The following MARCHF1 variants were observed in gnomAD, a reference collection of about 807,000 sequenced individuals.
The protein encoded by MARCHF1 is membrane associated ring-CH-type finger 1, also known as E3 ubiquitin-protein ligase MARCHF1.
Under a neutral mutation model 54.2 loss-of-function variants are expected in MARCHF1, and 40 were observed. The ratio of observed to expected loss-of-function variants is 0.74; its 90% CI spans 0.57 to 0.96. The LOEUF is 0.96. Among genes scored for constraint, MARCHF1 ranks in the 40% least tolerant of loss-of-function variants. The pLI, the probability that MARCHF1 is intolerant of heterozygous loss-of-function variation, is 0.00. For missense variants in MARCHF1, 586 were observed against 656.5 expected (o/e 0.89, Z 1.17); for synonymous variants, 236 against 236.3 (o/e 1.00, Z 0.01).
chr4:163,918,963 G>A (rs1751368278), intron 3 of MARCHF1, among the ~76,000 whole-genome samples: 1 of 151,928 alleles, frequency 6.6e-6, no homozygotes, highest in Non-Finnish European at 1.5e-5. Flanking sequence ...GAAACTAAGA[G>A]AAATGTAAAT....
At chr4:163,588,775 G>C (rs1389759546) in intron 7 of MARCHF1, among the ~76,000 whole-genome samples, 1 of 152,090 alleles carries the variant, frequency 6.6e-6, no homozygotes, top group Non-Finnish European at 1.5e-5. Context: ...TCTGGCTGCA[G>C]AAACTAAAAC....
At chr4:164,244,370 C>T (rs1462680080) in intron 1 of MARCHF1, among the ~76,000 whole-genome samples, 11 of 151,870 alleles carry the variant, frequency 7.2e-5, no homozygotes, top group Non-Finnish European at 1.3e-4. Flanking sequence ...GGGTACATAA[C>T]GAAATGAAGG....
At chr4:163,808,171 C>G (rs1243909578) in intron 4 of MARCHF1, among the ~76,000 whole-genome samples, 1 of 152,160 alleles carries the variant, frequency 6.6e-6, no homozygotes, top group African/African-American at 2.4e-5. Flanking sequence ...GCAACAAAAC[C>G]CCCAGCTAAC....
chr4:164,008,144 ATT>A (rs1753337331), intron 2 of MARCHF1, among the ~76,000 whole-genome samples: 1 of 152,206 alleles, frequency 6.6e-6, no homozygotes, highest in Non-Finnish European at 1.5e-5. Context: ...AATAAAAGAT[ATT>A]CCATAAAACT....
At chr4:163,749,923 G>T (rs906058208) in intron 4 of MARCHF1, among the ~76,000 whole-genome samples, 1 of 151,916 alleles carries the variant, frequency 6.6e-6, no homozygotes, top group African/African-American at 2.4e-5. Context: ...AAAAAAATTA[G>T]CCGGGCATGG....
chr4:163,880,605 T>C (rs940564533), intron 3 of MARCHF1, among the ~76,000 whole-genome samples: 1 of 151,664 alleles, frequency 6.6e-6, no homozygotes. Context: ...AGAAAGAAAA[T>C]AGCTTTTATG....
intron 1 of MARCHF1, among the ~76,000 whole-genome samples, chr4:164,153,748 T>C (rs1259134263): frequency 3.3e-5 from 5 of 152,162 alleles, no homozygotes; most frequent in Non-Finnish European, 4.4e-5. Flanking sequence ...TCTTGTGCAT[T>C]TAAAATATAA....
chr4:164,239,621 A>T (rs543144039), intron 1 of MARCHF1, among the ~76,000 whole-genome samples: 1 of 152,092 alleles, frequency 6.6e-6, no homozygotes, highest in African/African-American at 2.4e-5. Flanking sequence ...CTTTGAGCAT[A>T]AGTGTTTTGA....
intron 1 of MARCHF1, among the ~76,000 whole-genome samples, chr4:164,187,156 G>C (rs992430580): frequency 3.9e-5 from 6 of 152,000 alleles, no homozygotes; most frequent in Non-Finnish European, 7.4e-5. Context: ...TGGTATTTCT[G>C]CTCATCCTCT....
chr4:164,123,121 T>C (rs1329696530), intron 1 of MARCHF1, among the ~76,000 whole-genome samples: 1 of 152,058 alleles, frequency 6.6e-6, no homozygotes, highest in Non-Finnish European at 1.5e-5. Context: ...AGTTGTAGGA[T>C]ACAAAATGAA....
At chr4:164,113,852 A>C (rs1432406599) in intron 1 of MARCHF1, among the ~76,000 whole-genome samples, 1 of 152,036 alleles carries the variant, frequency 6.6e-6, no homozygotes, top group African/African-American at 2.4e-5. Flanking sequence ...TGGTTATTCA[A>C]ATTGAGCACA....
At chr4:163,842,574 C>A (rs1749370421) in intron 4 of MARCHF1, among the ~76,000 whole-genome samples, 1 of 152,038 alleles carries the variant, frequency 6.6e-6, no homozygotes, top group Non-Finnish European at 1.5e-5. Flanking sequence ...TGACAAATTA[C>A]TTGCCGTTTT....
chr4:163,757,565 A>AT (rs928978696), intron 4 of MARCHF1, among the ~76,000 whole-genome samples: 38 of 152,134 alleles, frequency 2.5e-4, no homozygotes, highest in African/African-American at 8.9e-4. Context: ...AAGATAAGTA[A>AT]TTTTTTTGTT....
chr4:163,730,046 C>A (rs1010033884), intron 4 of MARCHF1, among the ~76,000 whole-genome samples: 1 of 151,894 alleles, frequency 6.6e-6, no homozygotes, highest in African/African-American at 2.4e-5. Context: ...TTGATGGTGT[C>A]CCAGTTATCC....
At chr4:164,289,252 C>A (rs141646201) in intron 1 of MARCHF1, among the ~76,000 whole-genome samples, 1 of 152,040 alleles carries the variant, frequency 6.6e-6, no homozygotes, top group Non-Finnish European at 1.5e-5. Context: ...ACTCTTGATG[C>A]TGTGTGATAT....
chr4:163,600,575 T>C (rs1740931420), intron 7 of MARCHF1, among the ~76,000 whole-genome samples: 1 of 152,212 alleles, frequency 6.6e-6, no homozygotes, highest in African/African-American at 2.4e-5. Context: ...ATATGGCTTC[T>C]ATTTCATTCT....
At position 164,138,581 on chromosome 4, in the gene MARCHF1, G is replaced by A. The variant is rs138669473; in HGVS notation, c.-322-26919C>T. ...ATATGCTAGGAGCAAATTAAGGAACGGGTATGGCCACAACTCAGTTGAAGC... is the reference window on the plus strand; with the variant it reads ...ATATGCTAGGAGCAAATTAAGGAACAGGTATGGCCACAACTCAGTTGAAGC... On this transcript the variant is annotated intron_variant, in intron 1 of 9. Transcript: ENST00000514618. Among the ~76,000 whole-genome samples, 208 of 152,282 alleles carry A rather than the reference G, an allele frequency of 1.4e-3. 1 individual carries two copies. The highest frequency in any genetic ancestry group is 4.4e-3 in the African/African-American group (182 of 41,550).
chr4:164,051,308 T>A (rs1754359868), intron 2 of MARCHF1, among the ~76,000 whole-genome samples: 1 of 152,206 alleles, frequency 6.6e-6, no homozygotes, highest in South Asian at 2.1e-4. Flanking sequence ...CTGAAATGCA[T>A]GTTTCTATAG....
Position 164,134,850 on chromosome 4 carries a change from TA to T in MARCHF1, c.-322-23189del, listed in dbSNP as rs5863662. On this transcript the variant is annotated intron_variant, in intron 1 of 9. Coordinates refer to ENST00000514618, the MANE Select transcript of MARCHF1 (RefSeq NM_001394959.1). ...GAGTCTGTCAGAGAATCAGTCTTAGTAAAAAAAAAAAAAAATTGCTTAAGTT... is the reference window on the plus strand; with the variant it reads ...GAGTCTGTCAGAGAATCAGTCTTAGTAAAAAAAAAAAAAATTGCTTAAGTT... Among the ~76,000 whole-genome samples the T allele has an allele frequency of 5.0e-3, 726 of 145,786 alleles. 5 individuals are homozygous for T. The highest frequency in any genetic ancestry group is 0.016 in the African/African-American group (616 of 39,380).
Sources: allele counts gnomAD v4.1 joint callset (sites outside exome capture counted in the v4.1 genomes callset), GRCh38; gene constraint gnomAD v4.1.1; transcripts MANE v1.5; gene names NCBI Gene and HGNC (gene_info 2026-07-23, HGNC 2026-07-21).